The following VGLL4 variants were observed in gnomAD, a reference collection of about 807,000 sequenced individuals.
VGLL4 encodes vestigial like family member 4.
A neutral mutation model predicts 21.0 loss-of-function variants in VGLL4; 7 were observed. The ratio of observed to expected loss-of-function variants is 0.33; its 90% CI spans 0.19 to 0.63. The LOEUF (loss-of-function observed/expected upper bound fraction) is 0.63, where lower values mean the gene tolerates loss of function less well. Among genes scored for constraint, VGLL4 ranks in the 20% least tolerant of loss-of-function variants. The pLI, the probability that VGLL4 is intolerant of heterozygous loss-of-function variation, is 0.78. For synonymous variants in VGLL4, 222 were observed against 173.2 expected (o/e 1.28, Z -2.21); for missense variants, 394 against 425.7 (o/e 0.93, Z 0.66).
intron 1 of VGLL4, among the ~76,000 whole-genome samples, chr3:11,704,489 G>A (rs1366429465): frequency 2.7e-5 from 4 of 150,896 alleles, no homozygotes; most frequent in South Asian, 4.2e-4. Context: ...TATCTACAAG[G>A]AGCTCCAGGC....
intron 1 of VGLL4, among the ~76,000 whole-genome samples, chr3:11,613,153 G>A (rs2075095204): frequency 6.6e-6 from 1 of 152,116 alleles, no homozygotes; most frequent in South Asian, 2.1e-4. Flanking sequence ...GAGGGATTAA[G>A]CTGGTAATGG....
At chr3:11,581,360 C>T (rs867794840) in intron 2 of VGLL4, among the ~76,000 whole-genome samples, 1 of 152,174 alleles carries the variant, frequency 6.6e-6, no homozygotes, top group African/African-American at 2.4e-5. Flanking sequence ...AGCCACCGTG[C>T]CCAGCCATGC....
At chr3:11,569,528 C>A (rs2073691277) in intron 2 of VGLL4, among the ~76,000 whole-genome samples, 1 of 152,222 alleles carries the variant, frequency 6.6e-6, no homozygotes, top group African/African-American at 2.4e-5. Context: ...CAGAGACATC[C>A]CCCAAGCACC....
chr3:11,702,786 TAA>T, intron 2 of VGLL4: 1 of 415,984 alleles, frequency 2.4e-6, no homozygotes, highest in Non-Finnish European at 4.2e-6. Flanking sequence ...AAGTGCCAGT[TAA>T]AAGACTTACA....
intron 1 of VGLL4, among the ~76,000 whole-genome samples, chr3:11,714,943 G>A (rs2076898616): frequency 6.6e-6 from 1 of 152,004 alleles, no homozygotes; most frequent in Non-Finnish European, 1.5e-5. Context: ...AGACCATCCT[G>A]GCTAACACAG....
chr3:11,574,785 ATG>A (rs375691226), intron 2 of VGLL4, among the ~76,000 whole-genome samples: 11,749 of 121,412 alleles, frequency 0.097, 426 homozygotes, highest in Non-Finnish European at 0.11. Context: ...TCAACTATAT[ATG>A]TGTGTGTGTG....
At chr3:11,671,433 C>T (rs769747244) in intron 2 of VGLL4, 10 of 770,632 alleles carry the variant, frequency 1.3e-5, no homozygotes, top group African/African-American at 5.1e-5. Context: ...GTAGAAAACA[C>T]AGTTGTCCCT....
intron 1 of VGLL4, among the ~76,000 whole-genome samples, chr3:11,708,714 A>G (rs1380161535): frequency 6.6e-6 from 1 of 152,230 alleles, no homozygotes; most frequent in Non-Finnish European, 1.5e-5. Flanking sequence ...GTCTATCCCA[A>G]TAATGTCTTA....
At chr3:11,655,154 G>A (rs974287665) in intron 2 of VGLL4, among the ~76,000 whole-genome samples, 1 of 152,138 alleles carries the variant, frequency 6.6e-6, no homozygotes, top group African/African-American at 2.4e-5. Flanking sequence ...GTGTCCAGGA[G>A]GATAATTTGG....
intron 1 of VGLL4, chr3:11,633,513 C>T (rs2075525883): frequency 6.6e-6 from 1 of 152,020 alleles, no homozygotes; most frequent in African/African-American, 2.4e-5. Context: ...ACTAAAAATA[C>T]AAAAAAATTA....
chr3:11,577,200 G>A (rs1009410010), intron 2 of VGLL4, among the ~76,000 whole-genome samples: 6 of 152,154 alleles, frequency 3.9e-5, no homozygotes, highest in Non-Finnish European at 8.8e-5. Context: ...TCCCTCTCTC[G>A]TTCTTGCGAC....
intron 1 of VGLL4, among the ~76,000 whole-genome samples, chr3:11,714,971 TA>T (rs1334779821): frequency 6.6e-6 from 1 of 151,526 alleles, no homozygotes; most frequent in Non-Finnish European, 1.5e-5. Context: ...CCGTCTCTAT[TA>T]AAAATACAAA....
At chr3:11,649,455 T>G (rs1194585698) in intron 2 of VGLL4, among the ~76,000 whole-genome samples, 2 of 152,196 alleles carry the variant, frequency 1.3e-5, no homozygotes, top group Non-Finnish European at 2.9e-5. Flanking sequence ...CTACAAATAG[T>G]TTATTCTTCC....
At chr3:11,621,389 C>T (rs1157883514) in intron 1 of VGLL4, among the ~76,000 whole-genome samples, 7 of 152,236 alleles carry the variant, frequency 4.6e-5, no homozygotes, top group Admixed American at 1.3e-4. Flanking sequence ...ATAGACTTGC[C>T]GATTCCAGAC....
At chr3:11,636,032 A>G (rs1005537694) in intron 1 of VGLL4, among the ~76,000 whole-genome samples, 1 of 152,262 alleles carries the variant, frequency 6.6e-6, no homozygotes, top group African/African-American at 2.4e-5. Context: ...GGACTTGCGT[A>G]GTTAAGAATG....
chr3:11,687,113 A>G (rs2076460083), intron 2 of VGLL4, among the ~76,000 whole-genome samples: 1 of 152,214 alleles, frequency 6.6e-6, no homozygotes, highest in Non-Finnish European at 1.5e-5. Flanking sequence ...AATAAAATTT[A>G]TAAAGTGTTT....
chr3:11,620,858 T>C (rs2075254434), intron 1 of VGLL4, among the ~76,000 whole-genome samples: 1 of 152,182 alleles, frequency 6.6e-6, no homozygotes, highest in Non-Finnish European at 1.5e-5. Flanking sequence ...AGGATGTCAG[T>C]TTGCTTCTTG....
At chr3:11,610,004 C>A (rs555277035) in intron 1 of VGLL4, among the ~76,000 whole-genome samples, 1 of 152,208 alleles carries the variant, frequency 6.6e-6, no homozygotes, top group Non-Finnish European at 1.5e-5. Flanking sequence ...TTCAGCCCCC[C>A]TCCCAGCCCC....
intron 2 of VGLL4, among the ~76,000 whole-genome samples, chr3:11,660,260 G>A (rs1547456): frequency 0.62 from 93,556 of 152,106 alleles, 29,160 homozygotes; most frequent in Non-Finnish European, 0.68. Context: ...GAGTTTAGGC[G>A]TGTTACAGAA....
Sources: gnomAD v4.1 joint callset for allele counts (sites outside exome capture counted in the v4.1 genomes callset) on GRCh38, gnomAD v4.1.1 for gene constraint, MANE v1.5 for transcripts, NCBI Gene and HGNC (gene_info 2026-07-23, HGNC 2026-07-21) for gene names.